LMO7: variants seen among roughly 807,000 people sequenced by gnomAD.
LMO7 encodes the protein LIM domain 7.
LMO7 carries 120 observed loss-of-function variants against 206.5 expected under a neutral mutation model. The ratio of observed to expected loss-of-function variants is 0.58; its 90% confidence interval spans 0.50 to 0.68. The LOEUF is 0.68. Among genes scored for constraint, LMO7 ranks in the 30% least tolerant of loss-of-function variants. The pLI is 0.00. For synonymous variants in LMO7, 706 were observed against 681.5 expected (o/e 1.04, Z -0.56); for missense variants, 1,959 against 1,957.9 (o/e 1.00, Z -0.01).
chr13:75,798,318 C>T (rs912745895), intron 6 of LMO7, among the ~76,000 whole-genome samples: 3 of 152,152 alleles, frequency 2.0e-5, no homozygotes, highest in Admixed American at 6.5e-5. Context: ...TGTGGTGAGC[C>T]AAGCCTGGGC....
intron 4 of LMO7, among the ~76,000 whole-genome samples, chr13:75,781,713 A>T (rs1256824565): frequency 6.6e-6 from 1 of 151,600 alleles, no homozygotes; most frequent in Non-Finnish European, 1.5e-5. Context: ...ACTGACTTCC[A>T]CAATGGTTGA....
chr13:75,761,913 C>A (rs2048269663), intron 4 of LMO7, among the ~76,000 whole-genome samples: 1 of 152,058 alleles, frequency 6.6e-6, no homozygotes, highest in East Asian at 1.9e-4. Context: ...TCTGTTTCTA[C>A]CAGTTCAAAG....
chr13:75,666,295 A>G (rs1000055001), intron 1 of LMO7, among the ~76,000 whole-genome samples: 1 of 152,230 alleles, frequency 6.6e-6, no homozygotes, highest in Non-Finnish European at 1.5e-5. Flanking sequence ...TCACAAAAGT[A>G]TTTTGCAACC....
chr13:75,852,497 G>A (rs189742549), intron 27 of LMO7, among the ~76,000 whole-genome samples: 224 of 151,934 alleles, frequency 1.5e-3, no homozygotes, highest in African/African-American at 5.3e-3. Context: ...AATAAAAGTT[G>A]GAAAGAAAAC....
chr13:75,805,284 G>A (rs752853779), intron 8 of LMO7, 195 bp from the exon 9 acceptor site: 3 of 944,608 alleles, frequency 3.2e-6, no homozygotes, highest in African/African-American at 3.3e-5. Flanking sequence ...TGGCCCGTGT[G>A]TATCTAGCTA....
intron 3 of LMO7, among the ~76,000 whole-genome samples, chr13:75,746,063 T>C (rs2046812640): frequency 6.6e-6 from 1 of 152,140 alleles, no homozygotes; most frequent in African/African-American, 2.4e-5. Context: ...GGTCTCTGTG[T>C]GTATTGTTGA....
chr13:75,728,741 G>T (rs1270910392), intron 3 of LMO7, among the ~76,000 whole-genome samples: 1 of 133,674 alleles, frequency 7.5e-6, no homozygotes, highest in African/African-American at 3.2e-5. Flanking sequence ...TTTTCTTCTA[G>T]GGTTTTTATG....
At chr13:75,666,997 T>A (rs545365515) in intron 1 of LMO7, among the ~76,000 whole-genome samples, 1 of 152,320 alleles carries the variant, frequency 6.6e-6, no homozygotes, top group Non-Finnish European at 1.5e-5. Flanking sequence ...AAAAAAAGTC[T>A]AGCTTACTCT....
chr13:75,675,762 A>G (rs1041180521), intron 1 of LMO7, among the ~76,000 whole-genome samples: 1 of 152,182 alleles, frequency 6.6e-6, no homozygotes, highest in Non-Finnish European at 1.5e-5. Context: ...AATGAGAGTT[A>G]CTTATTTAGT....
At chr13:75,683,243 C>A (rs1490738263) in intron 1 of LMO7, among the ~76,000 whole-genome samples, 1 of 151,994 alleles carries the variant, frequency 6.6e-6, no homozygotes, top group Admixed American at 6.6e-5. Context: ...CATCTCTTTT[C>A]CCCTTCTATT....
Position 75,774,211 on chromosome 13 carries a change from G to A in LMO7, c.317+13173G>A, listed in dbSNP as rs149734025. Reference sequence around the variant, plus strand: ...TATAGAACCCTAGAAGTTTTCTCATGTCCCTAAGATCAACCTCTTACCTGA... The same window carrying A: ...TATAGAACCCTAGAAGTTTTCTCATATCCCTAAGATCAACCTCTTACCTGA... On this transcript the variant is annotated intron_variant, in intron 4 of 30. Coordinates refer to ENST00000377534, the MANE Select transcript of LMO7 (RefSeq NM_001306080.2). 1.6e-3 allele frequency among the ~76,000 whole-genome samples: 242 copies of A among 152,078 alleles called. 1 individual carries two copies. Among genetic ancestry groups the A allele is most frequent in the African/African-American group, 5.7e-3 (237 of 41,488 alleles).
intron 4 of LMO7, among the ~76,000 whole-genome samples, chr13:75,781,343 G>T (rs2051401031): frequency 8.1e-6 from 1 of 124,168 alleles, no homozygotes; most frequent in African/African-American, 3.1e-5. Context: ...TGATCTCATT[G>T]TTCAATTCCC....
Position 75,627,146 on chromosome 13 carries a change from C to T in LMO7, c.225+3826C>T, listed in dbSNP as rs371087272. 8.5e-5 allele frequency: 13 copies of T among 152,238 alleles called. No individual in the cohort carries two copies. In the East Asian group the frequency reaches 1.4e-3, roughly 16 times the overall value. The allele number at this position is 152,238 out of a possible 1,614,324, so 9.4% of individuals were successfully genotyped here. Reference sequence around the variant, plus strand: ...AAAGTACAGATGGTCCTCCAACTTACGATTTTTTGACTACGATGATGCAAA... The same window carrying T: ...AAAGTACAGATGGTCCTCCAACTTATGATTTTTTGACTACGATGATGCAAA... On this transcript the variant is annotated intron_variant, in intron 2 of 29. Coordinates refer to the LMO7 transcript ENST00000341547.
At chr13:75,693,173 A>G (rs76517340) in intron 1 of LMO7, among the ~76,000 whole-genome samples, 296 of 152,318 alleles carry the variant, frequency 1.9e-3, no homozygotes, top group African/African-American at 5.8e-3. Flanking sequence ...ATGGCCTGGA[A>G]TATCAGCTTA....
intron 1 of LMO7, among the ~76,000 whole-genome samples, chr13:75,671,823 C>T (rs2139391026): frequency 6.6e-6 from 1 of 152,164 alleles, no homozygotes; most frequent in East Asian, 1.9e-4. Context: ...AGCTCAAGTT[C>T]CATAGCCAGC....
At chr13:75,843,275 A>G (rs1427687601) in intron 25 of LMO7, among the ~76,000 whole-genome samples, 3 of 152,142 alleles carry the variant, frequency 2.0e-5, no homozygotes, top group Non-Finnish European at 4.4e-5. Context: ...GCCTTTTGAT[A>G]TCCGCTGAGC....
At chr13:75,793,882 G>T (rs1164368689) in intron 4 of LMO7, among the ~76,000 whole-genome samples, 2 of 151,928 alleles carry the variant, frequency 1.3e-5, no homozygotes, top group Non-Finnish European at 2.9e-5. Flanking sequence ...TTTTTATTCA[G>T]CCTGTCTTTG....
Position 75,694,913 on chromosome 13 carries a change from C to G in LMO7, c.70-18269C>G, listed in dbSNP as rs568285366. 3.9e-5 allele frequency among the ~76,000 whole-genome samples: 6 copies of G among 152,174 alleles called. No homozygotes were observed. In the South Asian group the frequency reaches 1.0e-3, roughly 26 times the overall value. On this transcript the variant is annotated intron_variant, in intron 1 of 30. Coordinates refer to ENST00000377534, the MANE Select transcript of LMO7 (RefSeq NM_001306080.2). Reference sequence around the variant, plus strand: ...CCTAGCCGGTGAGCTCAGGGAGAATCGAAGGAGGGAGTGGCTGGCAAGTCA... The same window carrying G: ...CCTAGCCGGTGAGCTCAGGGAGAATGGAAGGAGGGAGTGGCTGGCAAGTCA...
intron 9 of LMO7, chr13:75,806,383 G>A (rs1282183030): frequency 3.5e-6 from 1 of 284,664 alleles, no homozygotes; most frequent in African/African-American, 2.3e-5. Flanking sequence ...GACTCACTTA[G>A]TGGACTTAGT....
Sources: allele counts gnomAD v4.1 joint callset (sites outside exome capture counted in the v4.1 genomes callset), GRCh38; gene constraint gnomAD v4.1.1; transcripts MANE v1.5; gene names NCBI Gene and HGNC (gene_info 2026-07-23, HGNC 2026-07-21).